Variants in DCUN1D4 observed in about 807,000 individuals in gnomAD.
DCUN1D4 encodes defective in cullin neddylation 1 domain containing 4.
In DCUN1D4, 22 loss-of-function variants were observed where a neutral mutation model predicts 47.9. The ratio of observed to expected loss-of-function variants is 0.46; its 90% CI spans 0.33 to 0.66. The LOEUF (loss-of-function observed/expected upper bound fraction) is 0.66, where lower values mean the gene tolerates loss of function less well. Among genes scored for constraint, DCUN1D4 ranks in the 30% least tolerant of loss-of-function variants. DCUN1D4 has a pLI of 0.02. For missense variants in DCUN1D4, 301 were observed against 340.8 expected, an observed-to-expected ratio of 0.88 and a Z score of 0.92; for synonymous variants, 121 against 112.2, an observed-to-expected ratio of 1.08 and a Z score of -0.50.
rs139343339 is a variant in DCUN1D4, at chr4:51,902,266, A to G, written c.615+2888A>G. Among the ~76,000 whole-genome samples, 375 of 152,338 alleles carry G rather than the reference A, an allele frequency of 2.5e-3. 1 individual carries two copies. The highest frequency in any genetic ancestry group is 8.5e-3 in the African/African-American group (355 of 41,568). On this transcript the variant is annotated intron_variant, in intron 8 of 10. Transcript: ENST00000334635. ...TCTGCTGTTGTCAGTGGAGTGTTCTATAAATGTCAATTAGGTCAAGTTAGC... is the reference window on the plus strand; with the variant it reads ...TCTGCTGTTGTCAGTGGAGTGTTCTGTAAATGTCAATTAGGTCAAGTTAGC...
At chr4:51,836,132 T>C in the DCUN1D4 span, among the ~76,000 whole-genome samples, 1 of 152,184 alleles carries the variant, frequency 6.6e-6, no homozygotes, top group Non-Finnish European at 1.5e-5. Context: ...CATGGATTGT[T>C]CCCTAAAGCC....
At chr4:51,860,280 T>A (rs552364586) in intron 1 of DCUN1D4, among the ~76,000 whole-genome samples, 1 of 152,286 alleles carries the variant, frequency 6.6e-6, no homozygotes, top group East Asian at 1.9e-4. Flanking sequence ...AATGGATAAT[T>A]GGTGACATAT....
intron 4 of DCUN1D4, among the ~76,000 whole-genome samples, chr4:51,876,747 G>A (rs1355030415): frequency 3.3e-5 from 5 of 152,010 alleles, no homozygotes; most frequent in South Asian, 4.2e-4. Flanking sequence ...AGGGCTGACT[G>A]GGGGACTTGA....
chr4:51,887,245 G>T (rs1171863392), intron 6 of DCUN1D4: 1 of 365,202 alleles, frequency 2.7e-6, no homozygotes. Context: ...GGGACTACAG[G>T]TGTGCGCCAC....
intron 8 of DCUN1D4, among the ~76,000 whole-genome samples, chr4:51,907,178 A>T (rs942318627): frequency 6.6e-6 from 1 of 152,200 alleles, no homozygotes; most frequent in African/African-American, 2.4e-5. Context: ...GATTGTACCA[A>T]ATAAAATAAT....
chr4:51,865,395 T>C (rs1188043778), intron 3 of DCUN1D4: 1 of 164,742 alleles, frequency 6.1e-6, no homozygotes, highest in Non-Finnish European at 1.3e-5. Context: ...GTACAGGTCA[T>C]AGCCTGCAGC....
At chr4:51,864,764 G>A (rs1294734868) in intron 3 of DCUN1D4, among the ~76,000 whole-genome samples, 1 of 152,152 alleles carries the variant, frequency 6.6e-6, no homozygotes, top group African/African-American at 2.4e-5. Context: ...GCAGTCTGGG[G>A]ATTAGCTTTC....
intron 7 of DCUN1D4, 21 bp downstream of exon 7, chr4:51,891,872 G>C (rs754975062): frequency 6.4e-7 from 1 of 1,571,522 alleles, no homozygotes; most frequent in Non-Finnish European, 8.7e-7. Context: ...GGCTGCACTA[G>C]TGGGGGTCCC....
chr4:51,909,900 C>G lies in DCUN1D4; in HGVS notation c.616-1170C>G, dbSNP rs533493654. ...TTGTTGTTGTTAAGTGAGGCCCTTA[C>G]ATTTGCTGTATTAAGTCCCAATTCA... is the stretch of plus-strand genomic sequence containing the variant. On this transcript the variant is annotated intron_variant, in intron 8 of 10. Coordinates refer to ENST00000334635, the MANE Select transcript of DCUN1D4 (RefSeq NM_001040402.3). Among the ~76,000 whole-genome samples the G allele has an allele frequency of 3.8e-4, 58 of 152,168 alleles. 1 individual carries two copies. The highest frequency in any genetic ancestry group is 7.5e-4 in the Non-Finnish European group (51 of 68,024).
At chr4:51,851,668 G>A (rs764901979) in intron 1 of DCUN1D4, among the ~76,000 whole-genome samples, 65 of 152,138 alleles carry the variant, frequency 4.3e-4, no homozygotes, top group Non-Finnish European at 7.1e-4. Context: ...GTGGGGCACA[G>A]GGAGGGAGGA....
chr4:51,899,616 G>A (rs1479152737), intron 8 of DCUN1D4, among the ~76,000 whole-genome samples: 1 of 152,162 alleles, frequency 6.6e-6, no homozygotes, highest in East Asian at 1.9e-4. Context: ...CTTGGAATTG[G>A]CTTAAAAGTG....
intron 1 of DCUN1D4, chr4:51,843,688 A>T (rs2109771302): frequency 8.2e-7 from 1 of 1,214,388 alleles, no homozygotes; most frequent in Non-Finnish European, 1.0e-6. Context: ...GCGGGGCACA[A>T]GGGTGAGGAT....
At chr4:51,903,657 A>G (rs182401462) in intron 8 of DCUN1D4, among the ~76,000 whole-genome samples, 79 of 152,292 alleles carry the variant, frequency 5.2e-4, no homozygotes, top group African/African-American at 1.8e-3. Flanking sequence ...CCCACAAGCC[A>G]CTGATGCTGT....
chr4:51,861,073 TACCTAG>T (rs1354370522), intron 1 of DCUN1D4, among the ~76,000 whole-genome samples: 1 of 152,216 alleles, frequency 6.6e-6, no homozygotes, highest in East Asian at 1.9e-4. Flanking sequence ...GTACCTGACA[TACCTAG>T]ACATTGTAAT....
chr4:51,901,640 A>G (rs1463168847), intron 8 of DCUN1D4, among the ~76,000 whole-genome samples: 1 of 152,164 alleles, frequency 6.6e-6, no homozygotes. Context: ...TCAGCCTGTC[A>G]GGGATCAGCC....
intron 5 of DCUN1D4, among the ~76,000 whole-genome samples, chr4:51,878,846 G>T (rs1728097291): frequency 6.6e-6 from 1 of 152,030 alleles, no homozygotes; most frequent in Non-Finnish European, 1.5e-5. Context: ...CCTTTTATTG[G>T]TATCAAAATG....
intron 3 of DCUN1D4, among the ~76,000 whole-genome samples, chr4:51,869,821 G>A (rs1198628512): frequency 6.6e-6 from 1 of 152,146 alleles, no homozygotes; most frequent in Non-Finnish European, 1.5e-5. Context: ...TGATTAATGT[G>A]GGAAGAAAAG....
chr4:51,843,450 G>T, intron 1 of DCUN1D4, 183 bp downstream of exon 1: 1 of 1,243,558 alleles, frequency 8.0e-7, no homozygotes, highest in Middle Eastern at 2.9e-4. Flanking sequence ...CGTGGGGCGG[G>T]GGCGGGCGTG....
intron 1 of DCUN1D4, among the ~76,000 whole-genome samples, chr4:51,852,845 G>A (rs916518335): frequency 6.6e-6 from 1 of 152,186 alleles, no homozygotes; most frequent in Non-Finnish European, 1.5e-5. Context: ...ACTCAGTTGG[G>A]ACTCAGTTGG....
Sources: allele counts gnomAD v4.1 joint callset (sites outside exome capture counted in the v4.1 genomes callset), GRCh38; gene constraint gnomAD v4.1.1; transcripts MANE v1.5; gene names NCBI Gene and HGNC (gene_info 2026-07-23, HGNC 2026-07-21).